LHCGR: variants seen among roughly 807,000 people sequenced by gnomAD.
LHCGR encodes luteinizing hormone/choriogonadotropin receptor, also known as lutropin-choriogonadotropic hormone receptor.
Under a neutral mutation model 60.7 loss-of-function variants are expected in LHCGR, and 55 were observed. That is an observed-to-expected ratio of 0.91 (90% CI 0.73 to 1.13). The LOEUF is 1.13. Among genes scored for constraint, LHCGR ranks in the 50% most tolerant of loss-of-function variants. LHCGR has a pLI of 0.00. For synonymous variants in LHCGR, 337 were observed against 316.5 expected, an observed-to-expected ratio of 1.06 and a Z score of -0.69; for missense variants, 862 against 836.0, an observed-to-expected ratio of 1.03 and a Z score of -0.38.
chr2:48,709,245 C>T (rs1053499973), intron 7 of LHCGR, among the ~76,000 whole-genome samples: 1 of 152,108 alleles, frequency 6.6e-6, no homozygotes, highest in East Asian at 1.9e-4. Flanking sequence ...TCCATTCCCC[C>T]CTTCACTTGG....
At chr2:48,739,227 G>A (rs1342683799) in intron 1 of LHCGR, among the ~76,000 whole-genome samples, 2 of 152,348 alleles carry the variant, frequency 1.3e-5, no homozygotes, top group Middle Eastern at 3.4e-3. Flanking sequence ...CTGTGAACTA[G>A]TTCAACCATT....
intron 1 of LHCGR, among the ~76,000 whole-genome samples, chr2:48,740,378 C>G (rs376027484): frequency 6.6e-6 from 1 of 152,242 alleles, no homozygotes; most frequent in African/African-American, 2.4e-5. Context: ...TAGGCTCCAC[C>G]TCTGGGGGCA....
At position 48,688,954 on chromosome 2, in the gene LHCGR, A is replaced by G. The variant is rs1398050271; in HGVS notation, c.948-105T>C. The G allele has an allele frequency of 7.2e-6, 7 of 976,858 alleles. No homozygotes were observed. Among genetic ancestry groups the G allele is most frequent in the Admixed American group, 3.9e-5 (2 of 51,336 alleles). The allele number at this position is 976,858 out of a possible 1,614,324, so 60.5% of individuals were successfully genotyped here. On this transcript the variant is annotated intron_variant, in intron 10 of 10. Coordinates refer to ENST00000294954, the MANE Select transcript of LHCGR (RefSeq NM_000233.4). The surrounding 1 kb of genome is among the most constrained non-coding windows in gnomAD (Gnocchi z 5.2). ...CAAAGAAACAAAAGGAAACAAAGCC[A>G]TAATAGCCTCAGCCTTACATTTATT... is the stretch of plus-strand genomic sequence containing the variant.
chr2:48,753,947 C>T (rs985385678), intron 1 of LHCGR, among the ~76,000 whole-genome samples: 5 of 152,276 alleles, frequency 3.3e-5, no homozygotes, highest in Non-Finnish European at 5.9e-5. Flanking sequence ...GTTATTCCTT[C>T]TCCTTGGATC....
intron 3 of LHCGR, among the ~76,000 whole-genome samples, chr2:48,726,821 A>G (rs769632368): frequency 4.6e-5 from 7 of 152,184 alleles, no homozygotes; most frequent in Non-Finnish European, 1.0e-4. Context: ...TCTGGTTCAC[A>G]GTAAGGCCTC....
intron 10 of LHCGR, among the ~76,000 whole-genome samples, chr2:48,692,641 C>T (rs181351171): frequency 6.6e-5 from 10 of 152,118 alleles, no homozygotes; most frequent in South Asian, 2.1e-4. Flanking sequence ...GCTGTAGCAC[C>T]GCTGCTCCAG....
intron 1 of LHCGR, among the ~76,000 whole-genome samples, chr2:48,750,987 A>G (rs2103741183): frequency 6.6e-6 from 1 of 152,368 alleles, no homozygotes; most frequent in Middle Eastern, 3.4e-3. Flanking sequence ...GCTAAGATTT[A>G]GAAACCTGCT....
At chr2:48,729,293 A>G in intron 2 of LHCGR, 66 bp from the exon 3 acceptor site, 1 of 1,196,328 alleles carries the variant, frequency 8.4e-7, no homozygotes, top group South Asian at 1.2e-5. Flanking sequence ...CTGCATGATT[A>G]TGAGCTATGT....
chr2:48,713,897 G>T, intron 7 of LHCGR, 89 bp downstream of exon 7: 1 of 1,041,254 alleles, frequency 9.6e-7, no homozygotes, highest in South Asian at 1.3e-5. Context: ...TTTTTGCCCT[G>T]AGTTAGTTGC....
intron 3 of LHCGR, among the ~76,000 whole-genome samples, chr2:48,727,257 AT>A (rs1668778512): frequency 6.6e-6 from 1 of 151,934 alleles, no homozygotes; most frequent in African/African-American, 2.4e-5. Flanking sequence ...GAGACCCTGT[AT>A]AAAAAAAAAA....
intron 1 of LHCGR, 148 bp downstream of exon 1, chr2:48,755,363 C>T (rs1329621254): frequency 1.6e-6 from 1 of 616,426 alleles, no homozygotes; most frequent in East Asian, 2.8e-5. Context: ...TTCTCATCAC[C>T]CTAAAACGTG....
In LHCGR at chr2:48,687,301, C is replaced by G. The variant is rs1458360670; in HGVS notation, c.*396G>C. 1 of 180,362 alleles carries G rather than the reference C, an allele frequency of 5.5e-6. No homozygotes were observed. Among genetic ancestry groups the G allele is most frequent in the Non-Finnish European group, 1.2e-5 (1 of 84,964 alleles). The allele number at this position is 180,362 out of a possible 1,614,324, so 11.2% of individuals were successfully genotyped here. ...TCTCTAGAGTGTGTTTTTCAAACTA[C>G]CTGAGGAAAAAGGCCAGTTATTTTA... is the stretch of plus-strand genomic sequence containing the variant. On this transcript the variant is annotated 3_prime_UTR_variant, in exon 11 of 11. Coordinates refer to ENST00000294954, the MANE Select transcript of LHCGR (RefSeq NM_000233.4).
intron 9 of LHCGR, 81 bp downstream of exon 9, chr2:48,698,534 G>C (rs1667235723): frequency 5.4e-6 from 6 of 1,118,710 alleles, no homozygotes; most frequent in South Asian, 3.7e-5. Flanking sequence ...AAGGGGAGTG[G>C]AGCTGTCTAC....
intron 3 of LHCGR, 61 bp downstream of exon 3, chr2:48,729,092 G>T: frequency 8.1e-7 from 1 of 1,238,582 alleles, no homozygotes. Flanking sequence ...AATACCAAGT[G>T]GGCTCCAGCC....
chr2:48,751,718 A>T (rs996029110), intron 1 of LHCGR, among the ~76,000 whole-genome samples: 1 of 152,208 alleles, frequency 6.6e-6, no homozygotes, highest in African/African-American at 2.4e-5. Context: ...CGATATGAAC[A>T]TTGCATTAGG....
At chr2:48,700,228 G>C (rs1439448746) in intron 8 of LHCGR, among the ~76,000 whole-genome samples, 1 of 152,092 alleles carries the variant, frequency 6.6e-6, no homozygotes, top group Non-Finnish European at 1.5e-5. Context: ...TTTTTTGTTT[G>C]TCTTTTGAGT....
rs574316612 is a variant in LHCGR, at chr2:48,727,769, T to A, written c.308+1384A>T. On this transcript the variant is annotated intron_variant, in intron 3 of 10. Transcript: ENST00000294954. ...TCTCACTTCCCTGGCTACACTGTCA[T>A]CTCATGGTGGACATTTATATTTTAT... Among the ~76,000 whole-genome samples, 6 of 152,396 alleles carry A rather than the reference T, an allele frequency of 3.9e-5. 1 individual carries two copies. The South Asian group carries it at 1.2e-3, about 32-fold the overall frequency.
chr2:48,703,974 A>G (rs1406594660), intron 8 of LHCGR, among the ~76,000 whole-genome samples: 2 of 152,210 alleles, frequency 1.3e-5, no homozygotes, highest in Non-Finnish European at 2.9e-5. Context: ...CCAGTTTTCA[A>G]AGGGAATGCT....
chr2:48,731,708 G>A lies in LHCGR; in HGVS notation c.162-410C>T, dbSNP rs555328240. Among the ~76,000 whole-genome samples, 5 of 152,162 alleles carry A rather than the reference G, an allele frequency of 3.3e-5. No individual in the cohort carries two copies. In the East Asian group the frequency reaches 9.6e-4, roughly 29 times the overall value. ...TAATCCATGTAAAGAACAGGGCTTG[G>A]CACCAAGTATATAGTTAAATAGTTG... is the stretch of plus-strand genomic sequence containing the variant. On this transcript the variant is annotated intron_variant, in intron 1 of 10. Coordinates refer to ENST00000294954, the MANE Select transcript of LHCGR (RefSeq NM_000233.4).
Sources: allele counts gnomAD v4.1 joint callset (sites outside exome capture counted in the v4.1 genomes callset), GRCh38; gene constraint gnomAD v4.1.1; non-coding constraint Gnocchi (gnomAD v3.1); transcripts MANE v1.5; gene names NCBI Gene and HGNC (gene_info 2026-07-23, HGNC 2026-07-21).